The following SLF2 variants were observed in gnomAD, a reference collection of about 807,000 sequenced individuals.
SLF2 encodes SMC5-SMC6 complex localization factor protein 2.
Under a neutral mutation model 124.3 loss-of-function variants are expected in SLF2, and 68 were observed. That is an observed-to-expected ratio of 0.55 (90% CI 0.45 to 0.67). The LOEUF (loss-of-function observed/expected upper bound fraction) is 0.67. Ranked by LOEUF, SLF2 falls within the 30% of genes least tolerant of loss-of-function variation. The pLI, the probability that SLF2 is intolerant of heterozygous loss-of-function variation, is 0.00. For synonymous variants in SLF2, 480 were observed against 478.8 expected (o/e 1.00, Z -0.03); for missense variants, 1,246 against 1,373.7 (o/e 0.91, Z 1.47).
chr10:100,926,489 A>G lies in SLF2; in HGVS notation c.2042+470A>G, dbSNP rs187759396. On this transcript the variant is annotated intron_variant, in intron 6 of 19. Coordinates refer to ENST00000238961, the MANE Select transcript of SLF2 (RefSeq NM_018121.4). ...CATGGTGCCACATACCTATGGTCCC[A>G]GCTACTCAACAGGCTGAGGTTGGGA... is the stretch of plus-strand genomic sequence containing the variant. The G allele has an allele frequency of 2.6e-3, 1,095 of 419,688 alleles. 10 individuals are homozygous for G. The highest frequency in any genetic ancestry group is 3.5e-3 in the Non-Finnish European group (849 of 242,688). 26.0% of individuals were successfully genotyped at this position (419,688 alleles called of 1,614,324 possible). A position where few individuals can be genotyped will look rare whatever the true frequency, so the allele number is the denominator to read the frequency against.
chr10:100,947,840 A>T lies in SLF2; in HGVS notation c.3113A>T (p.Asn1038Ile). 6.2e-7 allele frequency: 1 copy of T among 1,605,038 alleles called. No individual in the cohort carries two copies. Among genetic ancestry groups the T allele is most frequent in the East Asian group, 2.2e-5 (1 of 44,748 alleles). ...EKHEDVPNASNLQVSVLHRYL... is the reference protein window; with the variant it reads ...EKHEDVPNASILQVSVLHRYL... ...CACGAAGATGTTCCTAATGCCAGTA[A>T]TCTGCAGGTATAAATAAATACATTT... Residue 1038 changes from asparagine (N) to isoleucine (I), a missense_variant, in exon 15 of 20, where the codon AAT (asparagine) becomes ATT (isoleucine). Around this residue, in one of 3 missense-constraint regions of SLF2, gnomAD observed 535 missense variants for 632.8 expected, o/e 0.85. Coordinates refer to ENST00000238961, the MANE Select transcript of SLF2 (RefSeq NM_018121.4).
rs560072087 is a variant in SLF2, at chr10:100,964,125, C to G, written c.*2213C>G. ...TCCAAATCAAGTATTTTACTTCTCC[C>G]TTGAGTCCCCATGCTTTGTCTCCCT... On this transcript the variant is annotated 3_prime_UTR_variant, in exon 20 of 20. Transcript: ENST00000238961. The G allele has an allele frequency of 1.3e-5, 2 of 152,690 alleles. No homozygotes were observed. Among genetic ancestry groups the G allele is most frequent in the South Asian group, 2.1e-4 (1 of 4,822 alleles). 9.5% of individuals were successfully genotyped at this position (152,690 alleles called of 1,614,324 possible). A position where few individuals can be genotyped will look rare whatever the true frequency, so the allele number is the denominator to read the frequency against.
chr10:100,954,097 A>G (rs1414292826), intron 17 of SLF2, among the ~76,000 whole-genome samples: 2 of 151,968 alleles, frequency 1.3e-5, no homozygotes, highest in Non-Finnish European at 2.9e-5. Flanking sequence ...TCTTTACAAA[A>G]AAAAAAAAAA....
chr10:100,937,647 C>T (rs1232912335), intron 10 of SLF2, among the ~76,000 whole-genome samples, 170 bp downstream of exon 10: 6 of 151,152 alleles, frequency 4.0e-5, no homozygotes, highest in South Asian at 2.1e-4. Context: ...ATCTTGCTGT[C>T]GCCCGGGCTG....
rs772958504 is a variant in SLF2 at position 100,917,014 on chromosome 10, A to G, written c.629A>G (p.Asn210Ser). 1.3e-5 allele frequency: 21 copies of G among 1,614,124 alleles called. No homozygotes were observed. Among genetic ancestry groups the G allele is most frequent in the Admixed American group, 1.7e-5 (1 of 60,002 alleles). The change falls in exon 3 of 20, where the codon AAT becomes AGT. Residue 210 changes from asparagine to serine, a missense_variant. Transcript: ENST00000238961. ...QTTVAEADIF[N>S]NSSRSLSSRS... is the part of the protein sequence containing the mutation. ...ACAGTGGCAGAAGCTGACATCTTCA[A>G]TAACAGCTCCAGAAGCCTTAGCAGC...
At chr10:100,927,195 C>G (rs181576860) in intron 6 of SLF2, among the ~76,000 whole-genome samples, 1 of 152,078 alleles carries the variant, frequency 6.6e-6, no homozygotes, top group Non-Finnish European at 1.5e-5. Flanking sequence ...CATCTAGCTA[C>G]AGAACTTTTT....
intron 11 of SLF2, among the ~76,000 whole-genome samples, chr10:100,940,983 C>T (rs1849964913): frequency 6.6e-6 from 1 of 151,086 alleles, no homozygotes; most frequent in African/African-American, 2.4e-5. Flanking sequence ...ATTACAGACA[C>T]ACGCCACCAT....
intron 1 of SLF2, chr10:100,913,973 A>G: frequency 1.3e-6 from 1 of 763,918 alleles, no homozygotes; most frequent in South Asian, 5.9e-5. Context: ...ACAGGCCCAC[A>G]ATCCCTTATC....
intron 1 of SLF2, among the ~76,000 whole-genome samples, chr10:100,914,390 G>C (rs1013425623): frequency 2.0e-5 from 3 of 152,012 alleles, no homozygotes; most frequent in Admixed American, 1.3e-4. Flanking sequence ...CCTCTTGAAA[G>C]TTACATTCAT....
At position 100,938,137 on chromosome 10, in the gene SLF2, G is replaced by A. The variant is rs182299184; in HGVS notation, c.2513-458G>A. Among the ~76,000 whole-genome samples, 208 of 152,284 alleles carry A rather than the reference G, an allele frequency of 1.4e-3. 1 individual carries two copies. Among genetic ancestry groups the A allele is most frequent in the South Asian group, 1.2e-3 (6 of 4,822 alleles). ...GCAACAGTATTATACTGATAATACA[G>A]TAAGGCATATTGAAAGCATCCACTG... On this transcript the variant is annotated intron_variant, in intron 10 of 19. Coordinates refer to ENST00000238961, the MANE Select transcript of SLF2 (RefSeq NM_018121.4).
At chr10:100,959,294 T>G (rs1850386244) in intron 18 of SLF2, 134 bp from the exon 19 acceptor site, 1 of 698,838 alleles carries the variant, frequency 1.4e-6, no homozygotes, top group Non-Finnish European at 2.2e-6. Flanking sequence ...TTATTTTCTC[T>G]TTGTTGACAG....
rs764488764 is a variant in SLF2, at chr10:100,945,415, G to T, written c.2843G>T (p.Ser948Ile). Residue 948 changes from serine (S) to isoleucine (I), a missense_variant, in exon 13 of 20, where the codon AGT (serine) becomes ATT (isoleucine). By Grantham distance (142) the Ser-to-Ile change is moderately radical (BLOSUM62 -2). This residue lies in a region of SLF2 where 535 missense variants were observed against 632.8 expected (regional missense o/e 0.85). Transcript: ENST00000238961. ...CTGATTTTAATGTTATTTAAAATGAGTTTGGAAAAACAGCTGAAACAGATT... is the reference window on the plus strand; with the variant it reads ...CTGATTTTAATGTTATTTAAAATGATTTTGGAAAAACAGCTGAAACAGATT... ...MLLILMLFKM[S>I]LEKQLKQIPL... is the part of the protein sequence containing the mutation. 1 of 1,600,830 alleles carries T rather than the reference G, an allele frequency of 6.2e-7. No individual in the cohort carries two copies. The highest frequency in any genetic ancestry group is 8.5e-7 in the Non-Finnish European group (1 of 1,177,078).
chr10:100,920,714 C>G (rs1335984876), intron 4 of SLF2, among the ~76,000 whole-genome samples: 1 of 152,196 alleles, frequency 6.6e-6, no homozygotes. Flanking sequence ...CTTTGGGAGG[C>G]CAAGGCAGAT....
chr10:100,952,546 CAAA>C (rs1189289965), intron 17 of SLF2, among the ~76,000 whole-genome samples: 2 of 81,724 alleles, frequency 2.4e-5, no homozygotes, highest in African/African-American at 4.6e-5. Context: ...GACTCCACCT[CAAA>C]AAAAAAAAAA....
chr10:100,945,591 T>C (rs1850089662), intron 13 of SLF2, 85 bp downstream of exon 13: 1 of 1,024,304 alleles, frequency 9.8e-7, no homozygotes. Flanking sequence ...ATACTGTTTC[T>C]AAACTCAAGA....
At chr10:100,933,740 C>T (rs906931657) in intron 9 of SLF2, among the ~76,000 whole-genome samples, 6 of 152,130 alleles carry the variant, frequency 3.9e-5, no homozygotes, top group East Asian at 3.8e-4. Context: ...AGTGCAGTGG[C>T]GTGATCTCTG....
chr10:100,950,233 G>A (rs574437362), intron 16 of SLF2, 26 bp downstream of exon 16: 8 of 1,596,956 alleles, frequency 5.0e-6, no homozygotes, highest in South Asian at 3.4e-5. Flanking sequence ...AGGTCTCAAA[G>A]AGTACATAGA....
chr10:100,963,748 T>C lies in SLF2; in HGVS notation c.*1836T>C, dbSNP rs1211241173. The C allele has an allele frequency of 6.6e-6, 1 of 152,606 alleles. No individual in the cohort carries two copies. Among genetic ancestry groups the C allele is most frequent in the African/African-American group, 2.4e-5 (1 of 41,424 alleles). The allele number at this position is 152,606 out of a possible 1,614,324, so 9.5% of individuals were successfully genotyped here. A position where few individuals can be genotyped will look rare whatever the true frequency, so the allele number is the denominator to read the frequency against. ...TTACAGTGTGTAAATATTTTCTAATTGTGTACATTGATGGGGGGGACAAGT... is the reference window on the plus strand; with the variant it reads ...TTACAGTGTGTAAATATTTTCTAATCGTGTACATTGATGGGGGGGACAAGT... On this transcript the variant is annotated 3_prime_UTR_variant, in exon 20 of 20. Transcript: ENST00000238961.
intron 9 of SLF2, 51 bp from the exon 10 acceptor site, chr10:100,937,351 G>T: frequency 1.4e-6 from 2 of 1,390,710 alleles, no homozygotes; most frequent in African/African-American, 2.8e-5. Flanking sequence ...AATAATGAAT[G>T]TTTGTGTTTT....
Sources: allele counts gnomAD v4.1 joint callset (sites outside exome capture counted in the v4.1 genomes callset), GRCh38; gene constraint gnomAD v4.1.1; regional missense constraint gnomAD v4.1.1; transcripts MANE v1.5; gene names NCBI Gene and HGNC (gene_info 2026-07-23, HGNC 2026-07-21).